GRM8: variants seen among roughly 807,000 people sequenced by gnomAD.
GRM8 encodes the protein metabotropic glutamate receptor 8.
GRM8 carries 47 observed loss-of-function variants against 87.2 expected under a neutral mutation model. The ratio of observed to expected loss-of-function variants is 0.54; its 90% CI spans 0.43 to 0.69. The LOEUF (loss-of-function observed/expected upper bound fraction) is 0.69. GRM8 is among the 30% of genes least tolerant of loss of function. The pLI is 0.00. For missense variants in GRM8, 1,019 were observed against 1,139.2 expected, an observed-to-expected ratio of 0.89 and a Z score of 1.52; for synonymous variants, 396 against 404.5, an observed-to-expected ratio of 0.98 and a Z score of 0.25.
intron 2 of GRM8, among the ~76,000 whole-genome samples, chr7:127,216,349 T>C (rs1230624096): frequency 6.6e-6 from 1 of 151,428 alleles, no homozygotes; most frequent in African/African-American, 2.4e-5. Context: ...AAACCCTGTC[T>C]CTACGAAAAA....
chr7:127,243,152 G>C lies in GRM8; in HGVS notation c.53C>G (p.Thr18Ser), dbSNP rs754550662. ...SASCPCFFLL[T>S]AKFYWILTMM... ...TGTGAGGATCCAGTAGAACTTGGCG[G>C]TCAAGAGGAAGAAACAAGGGCAAGA... Residue 18 changes from threonine to serine, a missense_variant, in exon 2 of 11, where the codon ACC (threonine) becomes AGC (serine). Coordinates refer to ENST00000339582, the MANE Select transcript of GRM8 (RefSeq NM_000845.3). 6.2e-7 allele frequency: 1 copy of C among 1,613,492 alleles called. No individual in the cohort carries two copies. Among genetic ancestry groups the C allele is most frequent in the African/African-American group, 1.3e-5 (1 of 75,036 alleles).
intron 3 of GRM8, among the ~76,000 whole-genome samples, chr7:127,092,074 C>T (rs184101211): frequency 2.1e-5 from 3 of 142,054 alleles, no homozygotes; most frequent in African/African-American, 5.3e-5. Context: ...CTGGTCATCA[C>T]CCCATCCCAC....
chr7:126,703,519 A>C (rs1360453093), intron 7 of GRM8, among the ~76,000 whole-genome samples: 1 of 152,202 alleles, frequency 6.6e-6, no homozygotes, highest in African/African-American at 2.4e-5. Flanking sequence ...ACGTTTTAAC[A>C]TAAGAGTCAG....
At chr7:127,066,582 G>A (rs1179619960) in intron 3 of GRM8, among the ~76,000 whole-genome samples, 2 of 151,986 alleles carry the variant, frequency 1.3e-5, no homozygotes, top group Non-Finnish European at 2.9e-5. Flanking sequence ...GTGATACATA[G>A]AATGTATAGT....
At chr7:126,974,936 CAAAAAAAAAAAAAAAAA>C (rs36129145) in intron 3 of GRM8, among the ~76,000 whole-genome samples, 4 of 59,620 alleles carry the variant, frequency 6.7e-5, no homozygotes, top group Admixed American at 2.9e-4. Context: ...ACTCTTGTCT[CAAAAAAAAAAAAAAAAA>C]AAAAAAAAAA....
At chr7:126,794,228 T>C (rs1032815275) in intron 6 of GRM8, among the ~76,000 whole-genome samples, 2 of 152,214 alleles carry the variant, frequency 1.3e-5, no homozygotes, top group Non-Finnish European at 2.9e-5. Flanking sequence ...TATCCTGATA[T>C]ACAATCTTGA....
At chr7:126,921,220 A>G (rs1305983597) in intron 3 of GRM8, among the ~76,000 whole-genome samples, 1 of 152,176 alleles carries the variant, frequency 6.6e-6, no homozygotes, top group African/African-American at 2.4e-5. Flanking sequence ...AAGAATAGAA[A>G]CATTCAGAGG....
chr7:126,448,554 A>G (rs1484092495), intron 9 of GRM8, among the ~76,000 whole-genome samples: 1 of 151,954 alleles, frequency 6.6e-6, no homozygotes, highest in Non-Finnish European at 1.5e-5. Context: ...AAATTACCGC[A>G]GTCTATCCTT....
intron 8 of GRM8, among the ~76,000 whole-genome samples, chr7:126,597,292 A>C (rs892124941): frequency 2.0e-5 from 3 of 152,098 alleles, no homozygotes; most frequent in Admixed American, 1.3e-4. Context: ...TTGCTTTTAT[A>C]AATCACTGGC....
chr7:127,214,123 T>G (rs1796378677), intron 2 of GRM8, among the ~76,000 whole-genome samples: 4 of 152,240 alleles, frequency 2.6e-5, no homozygotes, highest in Admixed American at 2.6e-4. Flanking sequence ...GAATAAAATC[T>G]TTTTAATAGG....
At chr7:127,034,384 A>G (rs1002054375) in intron 3 of GRM8, among the ~76,000 whole-genome samples, 1 of 152,230 alleles carries the variant, frequency 6.6e-6, no homozygotes, top group African/African-American at 2.4e-5. Flanking sequence ...AAATGACTAC[A>G]GACAGTAAGA....
intron 6 of GRM8, among the ~76,000 whole-genome samples, chr7:126,848,092 G>A (rs1796873413): frequency 6.6e-6 from 1 of 152,166 alleles, no homozygotes; most frequent in African/African-American, 2.4e-5. Flanking sequence ...ACTTCCAAGA[G>A]CACTTGTTCT....
intron 2 of GRM8, among the ~76,000 whole-genome samples, chr7:127,117,346 T>C (rs1220578691): frequency 6.6e-6 from 1 of 152,178 alleles, no homozygotes; most frequent in Non-Finnish European, 1.5e-5. Context: ...GAAAGAGAAA[T>C]ACATGCATCT....
chr7:126,604,704 T>C (rs1239070574), intron 8 of GRM8, among the ~76,000 whole-genome samples: 1 of 152,174 alleles, frequency 6.6e-6, no homozygotes, highest in Admixed American at 6.5e-5. Context: ...TGAGATCTTT[T>C]TCTTGATCAC....
chr7:127,105,836 G>C (rs759298723), intron 3 of GRM8, among the ~76,000 whole-genome samples: 5 of 152,080 alleles, frequency 3.3e-5, no homozygotes, highest in African/African-American at 4.8e-5. Context: ...GTAGTGGAAT[G>C]GATTTACAAC....
intron 6 of GRM8, among the ~76,000 whole-genome samples, chr7:126,831,276 T>C (rs924889796): frequency 2.6e-5 from 4 of 152,220 alleles, no homozygotes; most frequent in Non-Finnish European, 5.9e-5. Flanking sequence ...TACAGCTGTC[T>C]TTTTGTTTGT....
Position 127,242,823 on chromosome 7 carries a change from C to G in GRM8, c.382G>C (p.Ala128Pro), listed in dbSNP as rs200579683. 156 of 1,614,194 alleles carry G rather than the reference C, an allele frequency of 9.7e-5. 1 individual carries two copies. In the Middle Eastern group the frequency reaches 2.5e-3, roughly 26 times the overall value. Reference sequence around the variant, plus strand: ...CCATTAGCACACTTCACATCCGAAGCATCTTTCTCTATTAATGCCTGCACG... The same window carrying G: ...CCATTAGCACACTTCACATCCGAAGGATCTTTCTCTATTAATGCCTGCACG... Reference protein sequence around the residue: ...TFVQALIEKDASDVKCANGDP... With the variant: ...TFVQALIEKDPSDVKCANGDP... Residue 128 changes from alanine (A) to proline (P), a missense_variant, in exon 2 of 11, where the codon GCT (alanine) becomes CCT (proline). Ala to Pro is a conservative substitution (Grantham distance 27, BLOSUM62 -1). Transcript: ENST00000339582.
intron 2 of GRM8, among the ~76,000 whole-genome samples, chr7:127,170,459 C>A (rs139616117): frequency 5.1e-3 from 777 of 152,276 alleles, no homozygotes; most frequent in African/African-American, 0.018. Flanking sequence ...AAATGTAGAG[C>A]TACCATTTGA....
intron 3 of GRM8, among the ~76,000 whole-genome samples, chr7:127,050,533 T>C (rs568174734): frequency 6.6e-6 from 1 of 152,286 alleles, no homozygotes; most frequent in South Asian, 2.1e-4. Context: ...TGTCATCTTT[T>C]CAAGGAGAGA....
Sources: gnomAD v4.1 joint callset for allele counts (sites outside exome capture counted in the v4.1 genomes callset) on GRCh38, gnomAD v4.1.1 for gene constraint, MANE v1.5 for transcripts, NCBI Gene and HGNC (gene_info 2026-07-23, HGNC 2026-07-21) for gene names.